The following RABGAP1L variants were observed in gnomAD, a reference collection of about 807,000 sequenced individuals.
RABGAP1L encodes RAB GTPase activating protein 1 like.
RABGAP1L carries 63 observed loss-of-function variants against 137.7 expected under a neutral mutation model. The ratio of observed to expected loss-of-function variants is 0.46; its 90% confidence interval spans 0.37 to 0.56. RABGAP1L has a LOEUF of 0.56. Among genes scored for constraint, RABGAP1L ranks in the 20% least tolerant of loss-of-function variants. The pLI is 0.00. For synonymous variants in RABGAP1L, 431 were observed against 433.7 expected (o/e 0.99, Z 0.08); for missense variants, 1,095 against 1,244.0 (o/e 0.88, Z 1.80).
intron 13 of RABGAP1L, among the ~76,000 whole-genome samples, chr1:174,481,881 TA>T (rs1166772879): frequency 0.047 from 2,818 of 59,738 alleles, 71 homozygotes; most frequent in African/African-American, 0.13. Context: ...TAATAAAAAA[TA>T]AAAAAAAAAA....
chr1:174,810,141 G>A (rs1689730082), intron 18 of RABGAP1L, among the ~76,000 whole-genome samples: 1 of 152,242 alleles, frequency 6.6e-6, no homozygotes, highest in Admixed American at 6.5e-5. Context: ...GAAAAGGGAA[G>A]CAAACTCTAG....
At chr1:174,440,397 A>G (rs993423065) in intron 13 of RABGAP1L, among the ~76,000 whole-genome samples, 2 of 152,230 alleles carry the variant, frequency 1.3e-5, no homozygotes, top group Non-Finnish European at 2.9e-5. Flanking sequence ...AAGCCACTAC[A>G]GGTGTCTAAG....
intron 19 of RABGAP1L, among the ~76,000 whole-genome samples, chr1:174,888,255 G>A (rs1043757587): frequency 1.3e-5 from 2 of 152,104 alleles, no homozygotes; most frequent in East Asian, 1.9e-4. Context: ...TGGATTATTG[G>A]CTACATTTAT....
At chr1:174,606,107 A>AT (rs1355103622) in intron 13 of RABGAP1L, among the ~76,000 whole-genome samples, 1 of 152,034 alleles carries the variant, frequency 6.6e-6, no homozygotes, top group Admixed American at 6.6e-5. Flanking sequence ...TTTGGTGCAA[A>AT]TTTTTTTGAC....
intron 13 of RABGAP1L, among the ~76,000 whole-genome samples, chr1:174,512,844 G>A (rs1662479234): frequency 6.6e-6 from 1 of 152,246 alleles, no homozygotes; most frequent in South Asian, 2.1e-4. Context: ...TCTTCTCAGA[G>A]AAGAATAATT....
chr1:174,654,618 C>T (rs1215683884), intron 14 of RABGAP1L, among the ~76,000 whole-genome samples: 1 of 151,924 alleles, frequency 6.6e-6, no homozygotes, highest in African/African-American at 2.4e-5. Flanking sequence ...GTAATGAGGA[C>T]ATTACAATTT....
intron 19 of RABGAP1L, among the ~76,000 whole-genome samples, chr1:174,935,790 T>C (rs1259144746): frequency 1.3e-5 from 2 of 152,080 alleles, no homozygotes; most frequent in Non-Finnish European, 2.9e-5. Context: ...GAGATCAGCC[T>C]GGGCAACACA....
chr1:174,449,335 C>G, intron 13 of RABGAP1L: 1 of 732,272 alleles, frequency 1.4e-6, no homozygotes, highest in Admixed American at 3.2e-5. Flanking sequence ...AAAGGTTTCT[C>G]TCTTTTTTTT....
At chr1:174,726,249 G>T (rs1462397951) in intron 17 of RABGAP1L, among the ~76,000 whole-genome samples, 1 of 151,572 alleles carries the variant, frequency 6.6e-6, no homozygotes, top group African/African-American at 2.4e-5. Flanking sequence ...TGTGACTTTT[G>T]GGCTAACATC....
At chr1:174,579,638 G>A (rs1397948330) in intron 13 of RABGAP1L, among the ~76,000 whole-genome samples, 1 of 152,186 alleles carries the variant, frequency 6.6e-6, no homozygotes, top group Non-Finnish European at 1.5e-5. Flanking sequence ...TGCTTTTTAA[G>A]AAAGATCATT....
At chr1:174,660,523 A>G (rs958021074) in intron 14 of RABGAP1L, among the ~76,000 whole-genome samples, 3 of 152,158 alleles carry the variant, frequency 2.0e-5, no homozygotes, top group African/African-American at 7.2e-5. Context: ...GGTCTAAACT[A>G]ACATATCTCC....
At chr1:174,905,655 A>G (rs528203319) in intron 19 of RABGAP1L, among the ~76,000 whole-genome samples, 1 of 152,212 alleles carries the variant, frequency 6.6e-6, no homozygotes, top group African/African-American at 2.4e-5. Context: ...GTTCGAGACC[A>G]GCGTGGCCAA....
At chr1:174,480,742 T>C (rs985608279) in intron 13 of RABGAP1L, among the ~76,000 whole-genome samples, 5 of 152,340 alleles carry the variant, frequency 3.3e-5, no homozygotes, top group African/African-American at 1.2e-4. Context: ...CACAGAGAGA[T>C]TAGTTCTGTC....
At chr1:174,604,582 T>A (rs1346272679) in intron 13 of RABGAP1L, among the ~76,000 whole-genome samples, 5 of 152,168 alleles carry the variant, frequency 3.3e-5, no homozygotes, top group Admixed American at 6.5e-5. Flanking sequence ...GGTATTCCTG[T>A]GGAGGGGATA....
At chr1:174,925,342 G>C (rs1280249322) in intron 19 of RABGAP1L, among the ~76,000 whole-genome samples, 1 of 116,662 alleles carries the variant, frequency 8.6e-6, no homozygotes, top group Non-Finnish European at 1.6e-5. Context: ...AGCGAGACTC[G>C]AGACTCCGTC....
chr1:174,619,154 C>G (rs889578923), intron 13 of RABGAP1L, among the ~76,000 whole-genome samples: 2 of 152,190 alleles, frequency 1.3e-5, no homozygotes, highest in South Asian at 2.1e-4. Context: ...ACGACCAAAT[C>G]TACGTGTGAC....
chr1:174,232,433 C>T (rs556940873), intron 4 of RABGAP1L, among the ~76,000 whole-genome samples: 6 of 150,316 alleles, frequency 4.0e-5, no homozygotes, highest in Non-Finnish European at 7.4e-5. Context: ...TGCGGTGAGC[C>T]GAGATCATGC....
At chr1:174,676,777 T>TA (rs1325933907) in intron 14 of RABGAP1L, among the ~76,000 whole-genome samples, 2 of 152,160 alleles carry the variant, frequency 1.3e-5, no homozygotes, top group African/African-American at 4.8e-5. Flanking sequence ...GATTAATAGA[T>TA]ATGGTGGTAT....
intron 18 of RABGAP1L, among the ~76,000 whole-genome samples, chr1:174,810,328 A>G (rs1182751332): frequency 6.6e-6 from 1 of 152,206 alleles, no homozygotes; most frequent in Non-Finnish European, 1.5e-5. Flanking sequence ...ATGGGCTAGG[A>G]GGAAGAATTT....
Sources: gnomAD v4.1 joint callset for allele counts (sites outside exome capture counted in the v4.1 genomes callset) on GRCh38, gnomAD v4.1.1 for gene constraint, MANE v1.5 for transcripts, NCBI Gene and HGNC (gene_info 2026-07-23, HGNC 2026-07-21) for gene names.